Variants in CDKL4 observed in about 807,000 individuals in gnomAD.
CDKL4 encodes cyclin-dependent kinase-like 4.
CDKL4 carries 44 observed loss-of-function variants against 42.0 expected under a neutral mutation model. That is an observed-to-expected ratio of 1.05 (90% confidence interval 0.82 to 1.35). The LOEUF is 1.35. Among genes scored for constraint, CDKL4 ranks in the 40% most tolerant of loss-of-function variants. The pLI is 0.00. For missense variants in CDKL4, 393 were observed against 369.9 expected (o/e 1.06, Z -0.51); for synonymous variants, 120 against 121.6 (o/e 0.99, Z 0.09).
chr2:39,210,585 G>T (rs1677530291), intron 4 of CDKL4, among the ~76,000 whole-genome samples: 1 of 152,168 alleles, frequency 6.6e-6, no homozygotes, highest in African/African-American at 2.4e-5. Context: ...GAGATACAAA[G>T]ATAAAGCAGC....
chr2:39,203,647 T>C (rs1019170731), intron 5 of CDKL4, among the ~76,000 whole-genome samples: 3 of 152,216 alleles, frequency 2.0e-5, no homozygotes, highest in Non-Finnish European at 4.4e-5. Flanking sequence ...CATTTTCCGA[T>C]GCCACTGAAA....
chr2:39,228,751 A>G (rs1678912557), intron 2 of CDKL4, among the ~76,000 whole-genome samples: 1 of 152,254 alleles, frequency 6.6e-6, no homozygotes. Context: ...TTGTTAGATA[A>G]GAAGCATCTC....
intron 8 of CDKL4, 81 bp downstream of exon 8, chr2:39,184,510 C>T: frequency 1.1e-6 from 1 of 908,038 alleles, no homozygotes; most frequent in Non-Finnish European, 1.7e-6. Context: ...TTATTTAATC[C>T]ACTGTCCACC....
At chr2:39,185,928 A>G (rs943091185) in intron 7 of CDKL4, among the ~76,000 whole-genome samples, 1 of 152,198 alleles carries the variant, frequency 6.6e-6, no homozygotes, top group African/African-American at 2.4e-5. Flanking sequence ...ACAGTGCTAT[A>G]AAATCTGTGC....
downstream of CDKL4, among the ~76,000 whole-genome samples, chr2:39,171,986 C>G (rs1675011577): frequency 6.6e-6 from 1 of 152,114 alleles, no homozygotes; most frequent in African/African-American, 2.4e-5. Flanking sequence ...TATGAAGAGT[C>G]TGGGACAAGA....
At chr2:39,216,874 G>T (rs1677950971) in intron 3 of CDKL4, among the ~76,000 whole-genome samples, 1 of 152,172 alleles carries the variant, frequency 6.6e-6, no homozygotes. Flanking sequence ...GGATGTTAAA[G>T]ATGACTTTAA....
intron 1 of CDKL4, among the ~76,000 whole-genome samples, chr2:39,230,849 G>A (rs1276167343): frequency 6.6e-6 from 1 of 152,128 alleles, no homozygotes; most frequent in South Asian, 2.1e-4. Context: ...TAGAACCCAC[G>A]GAGTGAGATT....
chr2:39,168,860 G>A, the CDKL4 span, among the ~76,000 whole-genome samples: 1 of 150,978 alleles, frequency 6.6e-6, no homozygotes, highest in Non-Finnish European at 1.5e-5. Context: ...GGGTTCAAGC[G>A]ATTCTCCTGC....
At chr2:39,186,949 T>C (rs931542319) in intron 7 of CDKL4, among the ~76,000 whole-genome samples, 8 of 152,152 alleles carry the variant, frequency 5.3e-5, no homozygotes, top group African/African-American at 1.7e-4. Context: ...TCCTGGCTCA[T>C]TGTAATGTAG....
chr2:39,210,370 C>T (rs914936891), intron 4 of CDKL4, among the ~76,000 whole-genome samples: 119 of 152,196 alleles, frequency 7.8e-4, no homozygotes, highest in African/African-American at 2.8e-3. Context: ...GGGTATAGAA[C>T]GTGTTGTTCC....
chr2:39,184,363 C>T (rs1453675324), intron 8 of CDKL4, among the ~76,000 whole-genome samples: 3 of 152,192 alleles, frequency 2.0e-5, no homozygotes, highest in African/African-American at 4.8e-5. Context: ...CTGGTGTCTG[C>T]ATGGCTCTGA....
chr2:39,219,609 C>T (rs771507122), intron 3 of CDKL4, among the ~76,000 whole-genome samples: 3 of 151,920 alleles, frequency 2.0e-5, no homozygotes, highest in South Asian at 2.1e-4. Context: ...TTAGTAGAAA[C>T]GGGATTTCAC....
intron 1 of CDKL4, among the ~76,000 whole-genome samples, chr2:39,234,888 A>C (rs1679283541): frequency 6.6e-6 from 1 of 151,204 alleles, no homozygotes. Context: ...ACATTTAAAA[A>C]AAATTTTTTT....
At chr2:39,187,764 G>A (rs772554830) in intron 6 of CDKL4, 55 bp from the exon 7 acceptor site, 7 of 1,232,152 alleles carry the variant, frequency 5.7e-6, no homozygotes, top group South Asian at 1.2e-5. Flanking sequence ...ATAATCAAGT[G>A]TTTAAATGGT....
At chr2:39,206,892 T>G (rs1016855482) in intron 4 of CDKL4, among the ~76,000 whole-genome samples, 1 of 152,238 alleles carries the variant, frequency 6.6e-6, no homozygotes, top group Admixed American at 6.5e-5. Context: ...TGATTGTCTT[T>G]GGTTCTTTAA....
intron 1 of CDKL4, among the ~76,000 whole-genome samples, chr2:39,239,478 C>A (rs1679541509): frequency 6.6e-6 from 1 of 152,090 alleles, no homozygotes; most frequent in Non-Finnish European, 1.5e-5. Flanking sequence ...ATATTTGTAT[C>A]CAGAATACAT....
intron 3 of CDKL4, among the ~76,000 whole-genome samples, chr2:39,214,545 G>T (rs1323312483): frequency 6.6e-6 from 1 of 152,138 alleles, no homozygotes; most frequent in East Asian, 1.9e-4. Flanking sequence ...TCCATCTTAT[G>T]ATATTTACAC....
At chr2:39,179,226 T>C in exon 9 of CDKL4, 6 of 1,613,474 alleles carry the variant, frequency 3.7e-6, no homozygotes, top group Non-Finnish European at 5.1e-6. Context: ...TACGTGCTTT[T>C]CTTTTAATTT....
downstream of CDKL4, among the ~76,000 whole-genome samples, chr2:39,173,327 T>A (rs142714012): frequency 1.0e-3 from 157 of 152,302 alleles, 1 homozygote; most frequent in African/African-American, 3.6e-3. Flanking sequence ...TTCAGCAAAG[T>A]TGCCTTTTAT....
Sources: gnomAD v4.1 joint callset for allele counts (sites outside exome capture counted in the v4.1 genomes callset) on GRCh38, gnomAD v4.1.1 for gene constraint, MANE v1.5 for transcripts, NCBI Gene and HGNC (gene_info 2026-07-23, HGNC 2026-07-21) for gene names.